The following MAX variants were observed in gnomAD, a reference collection of about 807,000 sequenced individuals.
MAX encodes MYC associated transcriptional regulator X.
MAX carries 3 observed loss-of-function variants against 22.3 expected under a neutral mutation model. The ratio of observed to expected loss-of-function variants is 0.13; its 90% CI spans 0.06 to 0.35. The LOEUF is 0.35. Ranked by LOEUF, MAX falls within the 10% of genes least tolerant of loss-of-function variation. The pLI, the probability that MAX is intolerant of heterozygous loss-of-function variation, is 1.00. For missense variants in MAX, 119 were observed against 209.4 expected, an observed-to-expected ratio of 0.57 and a Z score of 2.66; for synonymous variants, 72 against 77.7, an observed-to-expected ratio of 0.93 and a Z score of 0.39.
At chr14:65,056,578 G>A (rs531209129) in intron 3 of MAX, among the ~76,000 whole-genome samples, 1 of 152,278 alleles carries the variant, frequency 6.6e-6, no homozygotes, top group African/African-American at 2.4e-5. Context: ...GATTACTGGT[G>A]AGGTTGAGAA....
chr14:65,060,128 C>T (rs375218128), intron 3 of MAX, among the ~76,000 whole-genome samples: 8 of 151,562 alleles, frequency 5.3e-5, no homozygotes, highest in East Asian at 1.9e-4. Flanking sequence ...CCACCGCGTC[C>T]GGCCCCCTTT....
intron 2 of MAX, among the ~76,000 whole-genome samples, chr14:65,095,462 A>C (rs987383568): frequency 6.6e-6 from 1 of 152,238 alleles, no homozygotes; most frequent in Non-Finnish European, 1.5e-5. Flanking sequence ...ACTTTAGCGC[A>C]AAATTATAGA....
chr14:65,023,192 G>A lies in MAX; in HGVS notation c.172-16908C>T, dbSNP rs1162013721. Among the ~76,000 whole-genome samples the A allele has an allele frequency of 1.3e-5, 2 of 152,124 alleles. No individual in the cohort carries two copies. Among genetic ancestry groups the A allele is most frequent in the Non-Finnish European group, 2.9e-5 (2 of 68,018 alleles). On this transcript the variant is annotated intron_variant, in intron 3 of 3. Transcript: ENST00000341653. The surrounding 1 kb of genome is among the most constrained non-coding windows in gnomAD (Gnocchi z 4.1). ...TCCCACCTCAGCCTCCTGAGTAGCT[G>A]GGGCTAGAGGTGGGTGCCAACGTGC...
chr14:65,077,301 A>C lies in MAX; in HGVS notation c.295+612T>G. 7.4e-7 allele frequency: 1 copy of C among 1,343,974 alleles called. No homozygotes were observed. Among genetic ancestry groups the C allele is most frequent in the Non-Finnish European group, 1.1e-6 (1 of 948,528 alleles). 83.3% of individuals were successfully genotyped at this position (1,343,974 alleles called of 1,614,324 possible). On this transcript the variant is annotated intron_variant, in intron 4 of 4. Coordinates refer to ENST00000358664, the MANE Select transcript of MAX (RefSeq NM_002382.5). The surrounding 1 kb of genome is among the most constrained non-coding windows in gnomAD (Gnocchi z 6.3). ...AAGGTCAACCCATTTAATTTATTTT[A>C]TTTTATTTTATTTGAGGTTTTCTAA...
intron 3 of MAX, among the ~76,000 whole-genome samples, chr14:65,035,808 A>G (rs1490359197): frequency 6.6e-6 from 1 of 151,432 alleles, no homozygotes; most frequent in East Asian, 1.9e-4. Context: ...TTCAAGGATT[A>G]CAGGCATGAG....
rs2063031385 is a variant in MAX, at chr14:65,075,374, G to C, written c.*1102C>G. 1 of 1,063,374 alleles carries C rather than the reference G, an allele frequency of 9.4e-7. No homozygotes were observed. The highest frequency in any genetic ancestry group is 1.1e-6 in the Non-Finnish European group (1 of 877,778). The allele number at this position is 1,063,374 out of a possible 1,614,324, so 65.9% of individuals were successfully genotyped here. On this transcript the variant is annotated 3_prime_UTR_variant, in exon 5 of 5. Coordinates refer to ENST00000358664, the MANE Select transcript of MAX (RefSeq NM_002382.5). The surrounding 1 kb of genome is among the most constrained non-coding windows in gnomAD (Gnocchi z 4.1). ...CATCTGCTGACCACAGCCAGAACCAGGGCTGGATCACACAATGGAGACAGG... is the reference window on the plus strand; with the variant it reads ...CATCTGCTGACCACAGCCAGAACCACGGCTGGATCACACAATGGAGACAGG...
chr14:65,097,808 A>G (rs938327722), intron 2 of MAX, among the ~76,000 whole-genome samples: 9 of 152,232 alleles, frequency 5.9e-5, no homozygotes, highest in African/African-American at 2.2e-4. Context: ...CCCAAAAATT[A>G]TAACATAAAA....
rs746797536 is a variant in MAX at position 65,007,035 on chromosome 14, G to A, written c.172-751C>T. ...AGTTTCAGGAATTTCACAATTACCC[G>A]TTTTTATCATTGTTGCCTATGAAAT... On this transcript the variant is annotated intron_variant, in intron 3 of 3. Coordinates refer to the MAX transcript ENST00000341653. The surrounding 1 kb of genome is among the most constrained non-coding windows in gnomAD (Gnocchi z 4.9). Among the ~76,000 whole-genome samples the A allele has an allele frequency of 9.2e-5, 14 of 152,230 alleles. No homozygotes were observed. In the East Asian group the frequency reaches 9.6e-4, roughly 10 times the overall value.
At chr14:65,083,849 A>C in intron 3 of MAX, 1 of 1,195,784 alleles carries the variant, frequency 8.4e-7, no homozygotes, top group Non-Finnish European at 1.0e-6. Context: ...AGGTAAAGGG[A>C]GGGCCCAGGG....
intron 3 of MAX, chr14:65,053,291 G>A (rs368520945): frequency 1.4e-6 from 2 of 1,468,394 alleles, no homozygotes; most frequent in Non-Finnish European, 1.8e-6. Context: ...GGCCCTGCAG[G>A]AGTACATCCT....
rs1315093100 is a variant in MAX, at chr14:65,078,079, C to A, written c.172-43G>T. On this transcript the variant is annotated intron_variant, in intron 3 of 4. Transcript: ENST00000358664. This position sits in a 1 kb window ranked among gnomAD's most constrained non-coding sequence, Gnocchi z 6.4. The stretch of plus-strand genomic sequence containing the variant: ...AAAGCACAGGGGACAAAATAAAAAC[C>A]CAATCCAGGCAGTGAGGGAACCTGG... 2 of 1,613,784 alleles carry A rather than the reference C, an allele frequency of 1.2e-6. No homozygotes were observed. The highest frequency in any genetic ancestry group is 3.3e-5 in the Admixed American group (2 of 59,938).
Position 65,053,393 on chromosome 14 carries a change from G to A in MAX, c.171+40315C>T, listed in dbSNP as rs746510603. Reference sequence around the variant, plus strand: ...GGGAGGGAAGGGAGAGGGGAGGAGAGAGCAGAGGGGCGTGCACCTCAGGCC... The same window carrying A: ...GGGAGGGAAGGGAGAGGGGAGGAGAAAGCAGAGGGGCGTGCACCTCAGGCC... On this transcript the variant is annotated intron_variant, in intron 3 of 3. Transcript: ENST00000341653. 3.7e-6 allele frequency: 5 copies of A among 1,354,596 alleles called. No homozygotes were observed. In the African/African-American group the frequency reaches 4.5e-5, roughly 12 times the overall value. 83.9% of individuals were successfully genotyped at this position (1,354,596 alleles called of 1,614,324 possible).
chr14:65,102,638 T>A, upstream of MAX: 1 of 1,127,486 alleles, frequency 8.9e-7, no homozygotes, highest in South Asian at 3.7e-5. Flanking sequence ...CCCGGGTAGC[T>A]CCAGAAAAAC....
At position 65,066,427 on chromosome 14, in the gene MAX, C is replaced by T. The variant is rs935891898; in HGVS notation, c.171+27281G>A. On this transcript the variant is annotated intron_variant, in intron 3 of 3. Coordinates refer to the MAX transcript ENST00000341653. ...CAGGTGGCCTCACGTTCCTCCCTCCCGCTTCTCTGGCACATCCAAGAACAA... is the reference window on the plus strand; with the variant it reads ...CAGGTGGCCTCACGTTCCTCCCTCCTGCTTCTCTGGCACATCCAAGAACAA... Among the ~76,000 whole-genome samples the T allele has an allele frequency of 1.4e-4, 21 of 152,352 alleles. No homozygotes were observed. In the East Asian group the frequency reaches 1.7e-3, roughly 13 times the overall value.
At chr14:65,006,140 T>TTTGTTACC, downstream of MAX, 1 of 1,604,964 alleles carries the variant, frequency 6.2e-7, no homozygotes, top group Admixed American at 1.7e-5. Flanking sequence ...TCCAGCTTTG[T>TTTGTTACC]TTGTTACCTT....
rs1402851363 is a variant in MAX, at chr14:65,047,114, CCTT to C, written c.172-40833_172-40831del. ...AAAGAGGTCCCAGTGAAAGAACTGT[CCTT>C]CTTACTTTTTCTACTACAACTGCCA... On this transcript the variant is annotated intron_variant, in intron 3 of 3. Coordinates refer to the MAX transcript ENST00000341653. This position sits in a 1 kb window ranked among gnomAD's most constrained non-coding sequence, Gnocchi z 5.2. 5.9e-5 allele frequency among the ~76,000 whole-genome samples: 9 copies of C among 152,230 alleles called. No homozygotes were observed. Among genetic ancestry groups the C allele is most frequent in the East Asian group, 1.9e-4 (1 of 5,204 alleles).
chr14:65,061,855 G>A (rs1295296794), intron 3 of MAX: 1 of 155,416 alleles, frequency 6.4e-6, no homozygotes, highest in Non-Finnish European at 1.4e-5. Flanking sequence ...AGGGAAAAGA[G>A]CTGGAGGTGG....
At chr14:65,067,831 C>T (rs960152144) in intron 3 of MAX, among the ~76,000 whole-genome samples, 1 of 145,486 alleles carries the variant, frequency 6.9e-6, no homozygotes, top group Non-Finnish European at 1.5e-5. Flanking sequence ...CAGGCTCTTG[C>T]TATGTTGCCC....
intron 3 of MAX, among the ~76,000 whole-genome samples, chr14:65,046,940 G>A (rs952869432): frequency 6.6e-6 from 1 of 151,892 alleles, no homozygotes; most frequent in African/African-American, 2.4e-5. Context: ...CAGAAACAGG[G>A]AAATTCTACA....
Sources: gnomAD v4.1 joint callset for allele counts (sites outside exome capture counted in the v4.1 genomes callset) on GRCh38, gnomAD v4.1.1 for gene constraint, Gnocchi (gnomAD v3.1) non-coding constraint, MANE v1.5 for transcripts, NCBI Gene and HGNC (gene_info 2026-07-23, HGNC 2026-07-21) for gene names.